The following TMEM11 variants were observed in gnomAD, a reference collection of about 807,000 sequenced individuals.
The protein encoded by TMEM11 is transmembrane protein 11.
Under a neutral mutation model 17.0 loss-of-function variants are expected in TMEM11, and 1 was observed. The observed-to-expected ratio is 0.06, with a 90% CI of 0.02 to 0.28. TMEM11 has a LOEUF of 0.28. Among genes scored for constraint, TMEM11 ranks in the 10% least tolerant of loss-of-function variants. The pLI is 1.00. For synonymous variants in TMEM11, 122 were observed against 118.1 expected (o/e 1.03, Z -0.21); for missense variants, 172 against 252.9 (o/e 0.68, Z 2.17).
At chr17:21,207,146 G>A (rs1259785901) in intron 1 of TMEM11, among the ~76,000 whole-genome samples, 3 of 152,172 alleles carry the variant, frequency 2.0e-5, no homozygotes, top group East Asian at 1.9e-4. Context: ...TTTGCATTAT[G>A]TTTTTAAGGG....
intron 1 of TMEM11, among the ~76,000 whole-genome samples, chr17:21,212,602 A>G (rs1224976688): frequency 6.6e-6 from 1 of 152,258 alleles, no homozygotes; most frequent in African/African-American, 2.4e-5. Flanking sequence ...CAGTTGTCTC[A>G]AGCCAAAACA....
intron 1 of TMEM11, chr17:21,213,535 C>T (rs9901071): frequency 0.014 from 2,183 of 153,496 alleles, 31 homozygotes; most frequent in Non-Finnish European, 0.024. Context: ...CAGAATCTTC[C>T]CTCGAGGAAG....
Position 21,214,145 on chromosome 17 carries a change from G to A in TMEM11, c.8C>T (p.Ala3Val), listed in dbSNP as rs1217425897. ...CGGGCCAAGACGCCTCCTTCCCCAAGCGGCCATCTTGGAGACACTCTGCTT... is the reference window on the plus strand; with the variant it reads ...CGGGCCAAGACGCCTCCTTCCCCAAACGGCCATCTTGGAGACACTCTGCTT... MA[A>V]WGRRRLGPGS... is the part of the protein sequence containing the mutation. Residue 3 changes from alanine (A) to valine (V), a missense_variant, in exon 1 of 2, where the codon GCT (alanine) becomes GTT (valine). Ala to Val is a moderately conservative substitution (Grantham distance 64). Coordinates refer to ENST00000317635, the MANE Select transcript of TMEM11 (RefSeq NM_003876.3). 1.2e-6 allele frequency: 2 copies of A among 1,612,398 alleles called. No individual in the cohort carries two copies. The highest frequency in any genetic ancestry group is 1.7e-6 in the Non-Finnish European group (2 of 1,179,660).
chr17:21,211,296 T>A (rs1975000578), intron 1 of TMEM11: 10 of 1,167,972 alleles, frequency 8.6e-6, no homozygotes, highest in Admixed American at 4.7e-5. Flanking sequence ...CCACCCCTCC[T>A]ATCTTAGTCG....
chr17:21,200,671 C>A (rs1416363925), intron 1 of TMEM11, among the ~76,000 whole-genome samples: 1 of 152,236 alleles, frequency 6.6e-6, no homozygotes, highest in Non-Finnish European at 1.5e-5. Flanking sequence ...CCAGGCAACA[C>A]AAGGGTCAAT....
At chr17:21,212,336 ATTGAGTCAAGCTGACAGGTGAT>A (rs1408559165) in intron 1 of TMEM11, among the ~76,000 whole-genome samples, 1 of 151,880 alleles carries the variant, frequency 6.6e-6, no homozygotes, top group Non-Finnish European at 1.5e-5. Flanking sequence ...AGGCAAATGC[ATTGAGTCAAGCTGACAGGTGAT>A]TTGAGTCAAG....
At chr17:21,200,119 T>TGCAGCAAGGCCAGACG (rs1289039694) in intron 1 of TMEM11, among the ~76,000 whole-genome samples, 1 of 152,242 alleles carries the variant, frequency 6.6e-6, no homozygotes, top group Non-Finnish European at 1.5e-5. Flanking sequence ...CGCTCAGCTC[T>TGCAGCAAGGCCAGACG]GCAGCAAGGC....
chr17:21,207,941 T>C (rs896724492), intron 1 of TMEM11, among the ~76,000 whole-genome samples: 2 of 151,758 alleles, frequency 1.3e-5, no homozygotes, highest in Admixed American at 6.6e-5. Flanking sequence ...GGTGGCCTAA[T>C]AGGTGACTTG....
intron 1 of TMEM11, among the ~76,000 whole-genome samples, chr17:21,202,150 T>C (rs1479673701): frequency 6.6e-6 from 1 of 152,192 alleles, no homozygotes; most frequent in Non-Finnish European, 1.5e-5. Context: ...AACTCCCTTC[T>C]GGTCTCAAGT....
chr17:21,208,612 C>CTG (rs1974970055), intron 1 of TMEM11: 1 of 152,360 alleles, frequency 6.6e-6, no homozygotes, highest in African/African-American at 2.4e-5. Flanking sequence ...CCAGGCCAGC[C>CTG]ACCAATCACC....
At chr17:21,211,717 A>C (rs1975005159) in intron 1 of TMEM11, among the ~76,000 whole-genome samples, 1 of 152,248 alleles carries the variant, frequency 6.6e-6, no homozygotes, top group African/African-American at 2.4e-5. Context: ...AAGTGTGCCC[A>C]AAGTGTCACT....
At chr17:21,205,038 C>T (rs888923159) in intron 1 of TMEM11, among the ~76,000 whole-genome samples, 2 of 152,128 alleles carry the variant, frequency 1.3e-5, no homozygotes, top group Non-Finnish European at 2.9e-5. Context: ...CATCTCTCCA[C>T]TTTTGAGCCC....
In TMEM11 at chr17:21,198,412, T is replaced by C; in HGVS notation, c.491A>G (p.Asp164Gly). The change falls in exon 2 of 2, where the codon GAC (aspartate) becomes GGC (glycine). Residue 164 changes from aspartate (D) to glycine (G), a missense_variant. Coordinates refer to ENST00000317635, the MANE Select transcript of TMEM11 (RefSeq NM_003876.3). The surrounding 1 kb of genome is among the most constrained non-coding windows in gnomAD (Gnocchi z 6.5). ...GTTGTGCAGTCTCTTTCTGTGCAGGTCGTCCTTCCGGACCAGCACCACCGG... is the reference window on the plus strand; with the variant it reads ...GTTGTGCAGTCTCTTTCTGTGCAGGCCGTCCTTCCGGACCAGCACCACCGG... Reference protein sequence around the residue: ...STPVVLVRKDDLHRKRLHNTI... With the variant: ...STPVVLVRKDGLHRKRLHNTI... 1 of 1,614,236 alleles carries C rather than the reference T, an allele frequency of 6.2e-7. No individual in the cohort carries two copies. The highest frequency in any genetic ancestry group is 8.5e-7 in the Non-Finnish European group (1 of 1,180,046).
intron 1 of TMEM11, 151 bp downstream of exon 1, chr17:21,213,940 T>C: frequency 1.4e-6 from 1 of 730,204 alleles, no homozygotes; most frequent in Middle Eastern, 4.0e-4. Context: ...GGATCCCGGA[T>C]CCTCCGGAAC....
At position 21,198,706 on chromosome 17, in the gene TMEM11, C is replaced by T. The variant is rs771406829; in HGVS notation, c.197G>A (p.Arg66His). The T allele has an allele frequency of 6.8e-6, 11 of 1,614,028 alleles. No individual in the cohort carries two copies. Among genetic ancestry groups the T allele is most frequent in the Admixed American group, 1.7e-5 (1 of 60,014 alleles). Reference sequence around the variant, plus strand: ...CCAGCGGGCTGTCTCGTCGCCAATGCGAGTGGGCTCAATCACAATGTACTT... The same window carrying T: ...CCAGCGGGCTGTCTCGTCGCCAATGTGAGTGGGCTCAATCACAATGTACTT... ...QYKYIVIEPT[R>H]IGDETARWIT... The change falls in exon 2 of 2, where the codon CGC (arginine) becomes CAC (histidine). Residue 66 changes from arginine to histidine, a missense_variant. Physicochemically the swap from Arg to His is conservative, Grantham distance 29. Coordinates refer to ENST00000317635, the MANE Select transcript of TMEM11 (RefSeq NM_003876.3). The surrounding 1 kb of genome is among the most constrained non-coding windows in gnomAD (Gnocchi z 6.5).
intron 1 of TMEM11, among the ~76,000 whole-genome samples, chr17:21,208,098 T>C (rs1027059142): frequency 6.6e-5 from 10 of 151,232 alleles, no homozygotes; most frequent in African/African-American, 2.4e-4. Flanking sequence ...GTTCACGCCA[T>C]TCTCCTGCCT....
At chr17:21,211,228 CTAGATTTAATGGAG>C in intron 1 of TMEM11, 3 of 1,288,996 alleles carry the variant, frequency 2.3e-6, no homozygotes, top group Non-Finnish European at 3.0e-6. Flanking sequence ...TGTTGGTTCC[CTAGATTTAATGGAG>C]TGGAGAGAAA....
chr17:21,213,122 T>C (rs59718332), intron 1 of TMEM11: 4 of 152,302 alleles, frequency 2.6e-5, no homozygotes, highest in East Asian at 1.9e-4. Flanking sequence ...GAGAGGAAGA[T>C]AACTTTTCTG....
intron 1 of TMEM11, among the ~76,000 whole-genome samples, chr17:21,203,341 G>A (rs1457414341): frequency 6.6e-6 from 1 of 152,214 alleles, no homozygotes; most frequent in Admixed American, 6.5e-5. Flanking sequence ...TGCAGACACA[G>A]GTTTTTTAGC....
Sources: gnomAD v4.1 joint callset for allele counts (sites outside exome capture counted in the v4.1 genomes callset) on GRCh38, gnomAD v4.1.1 for gene constraint, Gnocchi (gnomAD v3.1) non-coding constraint, MANE v1.5 for transcripts, NCBI Gene and HGNC (gene_info 2026-07-23, HGNC 2026-07-21) for gene names.